ADIPOR2: variants seen among roughly 807,000 people sequenced by gnomAD.
The protein encoded by ADIPOR2 is adiponectin receptor 2, also known as adiponectin receptor protein 2.
A neutral mutation model predicts 40.9 loss-of-function variants in ADIPOR2; 18 were observed. The observed-to-expected ratio is 0.44, with a 90% confidence interval of 0.30 to 0.65. The LOEUF (loss-of-function observed/expected upper bound fraction) is 0.65. ADIPOR2 is among the 30% of genes least tolerant of loss of function. The probability of loss-of-function intolerance (pLI) is 0.09; values close to 1 mark genes in which losing one functional copy is unlikely to be tolerated. For synonymous variants in ADIPOR2, 165 were observed against 166.4 expected, an observed-to-expected ratio of 0.99 and a Z score of 0.06; for missense variants, 283 against 479.2, an observed-to-expected ratio of 0.59 and a Z score of 3.82.
intron 1 of ADIPOR2, among the ~76,000 whole-genome samples, chr12:1,693,012 G>C (rs956745512): frequency 6.6e-6 from 1 of 152,132 alleles, no homozygotes; most frequent in East Asian, 1.9e-4. Context: ...AAAATTAGCC[G>C]GGTGTGGTGG....
At chr12:1,729,287 G>A (rs1295812261) in intron 1 of ADIPOR2, among the ~76,000 whole-genome samples, 1 of 151,848 alleles carries the variant, frequency 6.6e-6, no homozygotes, top group East Asian at 1.9e-4. Context: ...AGTTTTTGGA[G>A]AAAGGAAATA....
intron 1 of ADIPOR2, among the ~76,000 whole-genome samples, chr12:1,692,141 A>G (rs546533873): frequency 3.6e-4 from 54 of 151,724 alleles, no homozygotes; most frequent in African/African-American, 1.3e-3. Flanking sequence ...TTAAACGCCA[A>G]GAAAGCTGTC....
chr12:1,766,726 A>G (rs1013208347), intron 2 of ADIPOR2, among the ~76,000 whole-genome samples: 6 of 152,104 alleles, frequency 3.9e-5, no homozygotes, highest in African/African-American at 1.4e-4. Flanking sequence ...AGCTTTCAAG[A>G]TATTAGGTTG....
At chr12:1,756,411 A>C (rs373343706) in intron 2 of ADIPOR2, among the ~76,000 whole-genome samples, 1 of 151,238 alleles carries the variant, frequency 6.6e-6, no homozygotes, top group Non-Finnish European at 1.5e-5. Context: ...TGGCCCCGCA[A>C]ATTGCTGAGA....
chr12:1,707,231 T>C (rs1164882775), intron 1 of ADIPOR2, among the ~76,000 whole-genome samples: 1 of 152,206 alleles, frequency 6.6e-6, no homozygotes, highest in Non-Finnish European at 1.5e-5. Flanking sequence ...TGAACATTGA[T>C]GTACAAGTCT....
intron 1 of ADIPOR2, among the ~76,000 whole-genome samples, chr12:1,735,009 A>G (rs1349214450): frequency 6.6e-6 from 1 of 152,152 alleles, no homozygotes; most frequent in East Asian, 1.9e-4. Flanking sequence ...CTTGTAGTAC[A>G]GTTTGAAGTC....
At chr12:1,753,884 A>T (rs1024785413) in intron 1 of ADIPOR2, among the ~76,000 whole-genome samples, 1 of 151,938 alleles carries the variant, frequency 6.6e-6, no homozygotes, top group Non-Finnish European at 1.5e-5. Context: ...ATACATGGTT[A>T]AAAAAAATGC....
At chr12:1,694,657 T>G (rs1261199314) in intron 1 of ADIPOR2, among the ~76,000 whole-genome samples, 1 of 152,194 alleles carries the variant, frequency 6.6e-6, no homozygotes, top group East Asian at 1.9e-4. Flanking sequence ...CTGTATAATG[T>G]AAAAAAATTC....
intron 1 of ADIPOR2, among the ~76,000 whole-genome samples, chr12:1,715,982 A>C (rs1352491881): frequency 6.6e-6 from 1 of 152,062 alleles, no homozygotes; most frequent in Admixed American, 6.6e-5. Flanking sequence ...GTCTCCTTCC[A>C]CACCGTAGAA....
At chr12:1,761,988 G>T (rs911324472) in intron 2 of ADIPOR2, among the ~76,000 whole-genome samples, 1 of 152,172 alleles carries the variant, frequency 6.6e-6, no homozygotes, top group Admixed American at 6.5e-5. Flanking sequence ...TCTCACTGCT[G>T]CCCTATCTGG....
At chr12:1,730,679 C>T (rs371240104) in intron 1 of ADIPOR2, 11 of 151,444 alleles carry the variant, frequency 7.3e-5, no homozygotes, top group African/African-American at 2.7e-4. Flanking sequence ...TAGTAGAAAC[C>T]AGCTCTCTAT....
At chr12:1,764,994 A>T (rs933591051) in intron 2 of ADIPOR2, among the ~76,000 whole-genome samples, 10 of 152,162 alleles carry the variant, frequency 6.6e-5, no homozygotes, top group Non-Finnish European at 1.2e-4. Context: ...GTTGCTATGA[A>T]CATTCCAGTA....
chr12:1,787,256 A>G lies in ADIPOR2; in HGVS notation c.*1184A>G, dbSNP rs916770358. ...GTCCAGGTTTCTCCTGAGCTCATCTACATAGATTGGTAGACCCTTCCTTTG... is the reference window on the plus strand; with the variant it reads ...GTCCAGGTTTCTCCTGAGCTCATCTGCATAGATTGGTAGACCCTTCCTTTG... On this transcript the variant is annotated 3_prime_UTR_variant, in exon 8 of 8. Transcript: ENST00000357103. 6.6e-6 allele frequency: 1 copy of G among 152,232 alleles called. No individual in the cohort carries two copies. Among genetic ancestry groups the G allele is most frequent in the Admixed American group, 6.5e-5 (1 of 15,284 alleles). 9.4% of individuals were successfully genotyped at this position (152,232 alleles called of 1,614,324 possible). A position where few individuals can be genotyped will look rare whatever the true frequency, so the allele number is the denominator to read the frequency against.
chr12:1,728,042 A>T (rs1295559962), intron 1 of ADIPOR2, among the ~76,000 whole-genome samples: 1 of 151,842 alleles, frequency 6.6e-6, no homozygotes, highest in East Asian at 1.9e-4. Context: ...TAGGATTTCC[A>T]CATCTATTTA....
At chr12:1,697,648 C>G (rs2094642040) in intron 1 of ADIPOR2, 1 of 152,358 alleles carries the variant, frequency 6.6e-6, no homozygotes, top group Non-Finnish European at 1.5e-5. Context: ...TATGTAAAGT[C>G]TCAAAAGCTT....
intron 1 of ADIPOR2, among the ~76,000 whole-genome samples, chr12:1,739,752 CTT>C (rs2094738571): frequency 6.6e-6 from 1 of 152,186 alleles, no homozygotes; most frequent in African/African-American, 2.4e-5. Flanking sequence ...TGAGCACTGA[CTT>C]TTTATGACCT....
At chr12:1,771,877 G>C (rs1338119871) in intron 2 of ADIPOR2, among the ~76,000 whole-genome samples, 1 of 152,196 alleles carries the variant, frequency 6.6e-6, no homozygotes, top group African/African-American at 2.4e-5. Flanking sequence ...CTCTTGTGCT[G>C]TCTTATTCAT....
At chr12:1,751,961 G>A (rs1267295686) in intron 1 of ADIPOR2, among the ~76,000 whole-genome samples, 2 of 150,834 alleles carry the variant, frequency 1.3e-5, no homozygotes, top group East Asian at 3.9e-4. Context: ...AGGCTGGAGT[G>A]CAGTGGCATG....
intron 1 of ADIPOR2, among the ~76,000 whole-genome samples, chr12:1,709,150 TG>T (rs1346623726): frequency 5.3e-5 from 8 of 152,352 alleles, no homozygotes; most frequent in African/African-American, 1.9e-4. Context: ...AAAAGCCTGC[TG>T]GAATTTCAGT....
Sources: allele counts gnomAD v4.1 joint callset (sites outside exome capture counted in the v4.1 genomes callset), GRCh38; gene constraint gnomAD v4.1.1; transcripts MANE v1.5; gene names NCBI Gene and HGNC (gene_info 2026-07-23, HGNC 2026-07-21).